Variants in CLSTN2 observed in about 807,000 individuals in gnomAD.
CLSTN2 encodes calsyntenin 2, also known as calsyntenin-2.
In CLSTN2, 48 loss-of-function variants were observed where a neutral mutation model predicts 101.2. That is an observed-to-expected ratio of 0.47 (90% CI 0.38 to 0.60). The LOEUF (loss-of-function observed/expected upper bound fraction) is 0.60. CLSTN2 is among the 20% of genes least tolerant of loss of function. The pLI, the probability that CLSTN2 is intolerant of heterozygous loss-of-function variation, is 0.00. For missense variants in CLSTN2, 1,160 were observed against 1,238.2 expected (o/e 0.94, Z 0.95); for synonymous variants, 481 against 463.6 (o/e 1.04, Z -0.48).
At chr3:139,942,027 C>T (rs1576371153) in intron 1 of CLSTN2, among the ~76,000 whole-genome samples, 1 of 152,122 alleles carries the variant, frequency 6.6e-6, no homozygotes, top group Admixed American at 6.5e-5. Flanking sequence ...ACTGGGGTTA[C>T]AAACTCAGAA....
At chr3:140,111,694 G>A (rs2009158530) in intron 1 of CLSTN2, among the ~76,000 whole-genome samples, 1 of 152,088 alleles carries the variant, frequency 6.6e-6, no homozygotes. Context: ...TACAAGAGGA[G>A]TAAAAATGGC....
At chr3:140,371,947 AC>A (rs1292019941) in intron 2 of CLSTN2, among the ~76,000 whole-genome samples, 1 of 152,134 alleles carries the variant, frequency 6.6e-6, no homozygotes, top group African/African-American at 2.4e-5. Flanking sequence ...GGCCAGAGAG[AC>A]CAAGCCAGTA....
intron 2 of CLSTN2, among the ~76,000 whole-genome samples, chr3:140,323,330 G>A (rs896615841): frequency 2.0e-5 from 3 of 152,344 alleles, no homozygotes; most frequent in East Asian, 1.9e-4. Flanking sequence ...AGAACAGTTA[G>A]AAGTCTGGAC....
rs1057097624 is a variant in CLSTN2, at chr3:140,556,450, C to T, written c.1675-63C>T. ...TGGTGCCCTGTATGGACAGGAAGTG[C>T]TCCCATAAAACCATGTACATCACTG... On this transcript the variant is annotated intron_variant, in intron 10 of 16. Transcript: ENST00000458420. 9.0e-6 allele frequency: 14 copies of T among 1,548,678 alleles called. No homozygotes were observed. In the African/African-American group the frequency reaches 1.4e-4, roughly 15 times the overall value.
intron 8 of CLSTN2, among the ~76,000 whole-genome samples, chr3:140,500,994 T>C (rs1934563918): frequency 6.6e-6 from 1 of 152,160 alleles, no homozygotes; most frequent in South Asian, 2.1e-4. Context: ...ACCAGTCTTG[T>C]TCCTCTCACT....
intron 8 of CLSTN2, among the ~76,000 whole-genome samples, chr3:140,467,721 T>C (rs1176542752): frequency 6.6e-6 from 1 of 152,194 alleles, no homozygotes; most frequent in Non-Finnish European, 1.5e-5. Context: ...GCTGACTGAT[T>C]CATAATCCTT....
intron 2 of CLSTN2, among the ~76,000 whole-genome samples, chr3:140,312,290 G>A (rs1181053667): frequency 1.3e-5 from 2 of 152,224 alleles, no homozygotes; most frequent in African/African-American, 4.8e-5. Context: ...GGCATGTATG[G>A]ATTCTGCACA....
intron 2 of CLSTN2, among the ~76,000 whole-genome samples, chr3:140,355,680 G>T (rs184840609): frequency 6.6e-6 from 1 of 152,188 alleles, no homozygotes; most frequent in Non-Finnish European, 1.5e-5. Context: ...CAAGCATGGG[G>T]AAGTGACTAA....
At chr3:140,405,015 C>G (rs2088286689) in intron 4 of CLSTN2, among the ~76,000 whole-genome samples, 4 of 152,212 alleles carry the variant, frequency 2.6e-5, no homozygotes, top group Non-Finnish European at 5.9e-5. Flanking sequence ...GTCTGTACAA[C>G]TCACAGTGCC....
intron 1 of CLSTN2, among the ~76,000 whole-genome samples, chr3:140,161,030 C>A (rs368002964): frequency 3.9e-5 from 6 of 152,134 alleles, no homozygotes; most frequent in Non-Finnish European, 7.4e-5. Flanking sequence ...TTAACACACA[C>A]GGAGCACCTA....
chr3:139,958,784 A>G (rs1339732410), intron 1 of CLSTN2, among the ~76,000 whole-genome samples: 4 of 151,308 alleles, frequency 2.6e-5, no homozygotes, highest in African/African-American at 4.9e-5. Context: ...CAGGTATACC[A>G]TATTTCATCA....
chr3:140,034,915 G>A (rs1413324363), intron 1 of CLSTN2, among the ~76,000 whole-genome samples: 1 of 152,204 alleles, frequency 6.6e-6, no homozygotes, highest in East Asian at 1.9e-4. Flanking sequence ...ACAGAAGTTA[G>A]GATCTAAGTA....
chr3:140,444,416 G>C (rs1439367437), intron 5 of CLSTN2, among the ~76,000 whole-genome samples: 1 of 134,324 alleles, frequency 7.4e-6, no homozygotes, highest in Non-Finnish European at 1.6e-5. Flanking sequence ...GGTGACAAGA[G>C]CAAAACTCCG....
At chr3:140,319,472 T>C (rs557177087) in intron 2 of CLSTN2, among the ~76,000 whole-genome samples, 1 of 152,332 alleles carries the variant, frequency 6.6e-6, no homozygotes, top group East Asian at 1.9e-4. Context: ...GTCTGAGCCA[T>C]GGTCATGAAA....
intron 1 of CLSTN2, among the ~76,000 whole-genome samples, chr3:139,992,775 G>A (rs917542395): frequency 3.3e-5 from 5 of 152,170 alleles, no homozygotes; most frequent in African/African-American, 4.8e-5. Context: ...GCTCTGGAGA[G>A]GAGGCTGGAA....
At chr3:140,488,361 C>A (rs1382067686) in intron 8 of CLSTN2, among the ~76,000 whole-genome samples, 2 of 152,076 alleles carry the variant, frequency 1.3e-5, no homozygotes, top group African/African-American at 2.4e-5. Context: ...ATCTGTGTGA[C>A]CTTAGGTGAG....
chr3:140,141,981 G>A (rs1159656972), intron 1 of CLSTN2, among the ~76,000 whole-genome samples: 1 of 152,070 alleles, frequency 6.6e-6, no homozygotes, highest in African/African-American at 2.4e-5. Flanking sequence ...CAAAAAATAA[G>A]CAAAAAAATG....
At chr3:140,297,393 G>A (rs1359426813) in intron 2 of CLSTN2, among the ~76,000 whole-genome samples, 3 of 152,240 alleles carry the variant, frequency 2.0e-5, no homozygotes, top group South Asian at 2.1e-4. Context: ...ACTTATTAAC[G>A]TAAATGCCTT....
At chr3:140,034,446 A>AGTTTGAAATGGGGCTTGGGGAG (rs1413250584) in intron 1 of CLSTN2, among the ~76,000 whole-genome samples, 60 of 152,216 alleles carry the variant, frequency 3.9e-4, no homozygotes, top group Non-Finnish European at 7.3e-4. Flanking sequence ...TTGGAATCAA[A>AGTTTGAAATGGGGCTTGGGGAG]GTTTGAAATG....
Sources: gnomAD v4.1 joint callset for allele counts (sites outside exome capture counted in the v4.1 genomes callset) on GRCh38, gnomAD v4.1.1 for gene constraint, MANE v1.5 for transcripts, NCBI Gene and HGNC (gene_info 2026-07-23, HGNC 2026-07-21) for gene names.